ATP6V1B2: variants seen among roughly 807,000 people sequenced by gnomAD.
ATP6V1B2 encodes the protein ATPase H+ transporting V1 subunit B2, also known as V-type proton ATPase subunit B, brain isoform.
In ATP6V1B2, 23 loss-of-function variants were observed where a neutral mutation model predicts 66.7. The observed-to-expected ratio is 0.34, with a 90% CI of 0.25 to 0.49. ATP6V1B2 has a LOEUF of 0.49. Ranked by LOEUF, ATP6V1B2 falls within the 20% of genes least tolerant of loss-of-function variation. The pLI is 0.99. For synonymous variants in ATP6V1B2, 278 were observed against 236.7 expected (o/e 1.17, Z -1.60); for missense variants, 478 against 650.8 (o/e 0.73, Z 2.89).
chr8:20,203,559 T>G (rs1386760736), intron 1 of ATP6V1B2, among the ~76,000 whole-genome samples: 1 of 152,150 alleles, frequency 6.6e-6, no homozygotes, highest in African/African-American at 2.4e-5. Flanking sequence ...TGTTAATTAT[T>G]TTAGGCCTTA....
In ATP6V1B2 at chr8:20,217,238, G is replaced by T; in HGVS notation, c.1180G>T (p.Val394Leu). The change falls in exon 12 of 14, where the codon GTG (valine) becomes TTG (leucine). Residue 394 changes from valine (V) to leucine (L), a missense_variant. Val to Leu is a conservative substitution (Grantham distance 32). Transcript: ENST00000276390. ...HNRQIYPPIN[V>L]LPSLSRLMKS... ...ACCCAAGATTTATCCACCTATCAAT[G>T]TGCTGCCCTCACTATCACGGTTAAT... The T allele has an allele frequency of 6.2e-7, 1 of 1,612,902 alleles. No homozygotes were observed. Among genetic ancestry groups the T allele is most frequent in the Non-Finnish European group, 8.5e-7 (1 of 1,179,116 alleles).
At chr8:20,206,086 C>A (rs1393889283) in intron 2 of ATP6V1B2, among the ~76,000 whole-genome samples, 1 of 152,198 alleles carries the variant, frequency 6.6e-6, no homozygotes, top group East Asian at 1.9e-4. Context: ...TGAGTATCTA[C>A]CACAACCTGC....
At chr8:20,214,773 G>T (rs2072834443) in intron 9 of ATP6V1B2, 45 bp from the exon 10 acceptor site, 2 of 1,539,780 alleles carry the variant, frequency 1.3e-6, no homozygotes, top group Admixed American at 4.0e-5. Flanking sequence ...AAGCAAGCTT[G>T]TTGTAATATC....
intron 2 of ATP6V1B2, among the ~76,000 whole-genome samples, chr8:20,207,108 T>C (rs1376807845): frequency 6.6e-6 from 1 of 152,114 alleles, no homozygotes; most frequent in East Asian, 1.9e-4. Context: ...TAAAACATTG[T>C]GAAAGACCAT....
chr8:20,217,361 T>C (rs1407264986), intron 12 of ATP6V1B2, 37 bp downstream of exon 12: 15 of 1,538,046 alleles, frequency 9.8e-6, no homozygotes, highest in Non-Finnish European at 1.3e-5. Flanking sequence ...TTTGAAAATA[T>C]GGATACGTTT....
chr8:20,205,167 AT>A (rs1389291439), intron 2 of ATP6V1B2, among the ~76,000 whole-genome samples: 1 of 152,202 alleles, frequency 6.6e-6, no homozygotes, highest in African/African-American at 2.4e-5. Context: ...TGGGGAAAAT[AT>A]TAGGAAGCTT....
intron 13 of ATP6V1B2, among the ~76,000 whole-genome samples, chr8:20,218,523 G>A (rs1037517474): frequency 4.0e-5 from 6 of 151,774 alleles, no homozygotes; most frequent in South Asian, 2.1e-4. Flanking sequence ...TTCTTCCATC[G>A]CCCTTCTGAA....
chr8:20,199,959 A>G (rs1161967096), intron 1 of ATP6V1B2, among the ~76,000 whole-genome samples: 1 of 150,816 alleles, frequency 6.6e-6, no homozygotes, highest in Admixed American at 6.6e-5. Context: ...GAATTGATTG[A>G]TGTTATCATT....
chr8:20,210,834 A>G (rs1021500222), intron 5 of ATP6V1B2, among the ~76,000 whole-genome samples, 188 bp downstream of exon 5: 2 of 152,124 alleles, frequency 1.3e-5, no homozygotes, highest in Non-Finnish European at 2.9e-5. Context: ...TTATGTATTA[A>G]TATCTTAAGA....
At chr8:20,211,852 G>T in intron 7 of ATP6V1B2, 99 bp downstream of exon 7, 2 of 1,056,808 alleles carry the variant, frequency 1.9e-6, no homozygotes, top group Non-Finnish European at 2.7e-6. Context: ...TTTTCTTTAG[G>T]TAAAGAATTT....
intron 9 of ATP6V1B2, chr8:20,213,849 C>G (rs1032069772): frequency 6.6e-6 from 1 of 152,100 alleles, no homozygotes; most frequent in African/African-American, 2.4e-5. Context: ...TAGTCAAGGA[C>G]TAGTTTTTCT....
chr8:20,217,377 G>A lies in ATP6V1B2; in HGVS notation c.1266+53G>A, dbSNP rs115878396. 51 of 1,457,958 alleles carry A rather than the reference G, an allele frequency of 3.5e-5. No individual in the cohort carries two copies. In the African/African-American group the frequency reaches 6.4e-4, roughly 18 times the overall value. 90.3% of individuals were successfully genotyped at this position (1,457,958 alleles called of 1,614,324 possible). A position where few individuals can be genotyped will look rare whatever the true frequency, so the allele number is the denominator to read the frequency against. ...TTGAAAATATGGATACGTTTCTGCT[G>A]TCTTACACCTCTTGTCTTTCACCCT... On this transcript the variant is annotated intron_variant, in intron 12 of 13. Transcript: ENST00000276390.
chr8:20,204,114 T>C, intron 1 of ATP6V1B2: 1 of 424,670 alleles, frequency 2.4e-6, no homozygotes. Context: ...TCTGCTGTGC[T>C]CCCACAAACC....
At chr8:20,218,064 G>A (rs1353446579) in intron 12 of ATP6V1B2, 89 bp from the exon 13 acceptor site, 5 of 1,449,756 alleles carry the variant, frequency 3.4e-6, no homozygotes, top group African/African-American at 1.4e-5. Flanking sequence ...GCTCTTGTGA[G>A]GAGAACTAGA....
chr8:20,211,137 C>G (rs369992802), intron 5 of ATP6V1B2, 40 bp from the exon 6 acceptor site: 1 of 1,589,722 alleles, frequency 6.3e-7, no homozygotes, highest in East Asian at 2.3e-5. Context: ...ATGAATAATG[C>G]GGCAACTTGT....
At chr8:20,207,144 A>G (rs2072747058) in intron 2 of ATP6V1B2, among the ~76,000 whole-genome samples, 1 of 152,226 alleles carries the variant, frequency 6.6e-6, no homozygotes, top group South Asian at 2.1e-4. Context: ...ATAAGTGAAG[A>G]TTCCATGTTC....
chr8:20,220,040 T>TC (rs768792092), intron 13 of ATP6V1B2, among the ~76,000 whole-genome samples: 62 of 152,162 alleles, frequency 4.1e-4, no homozygotes, highest in Non-Finnish European at 6.3e-4. Context: ...GCAAGACTGC[T>TC]CCCTGTCTCA....
chr8:20,202,484 C>G (rs1013798729), intron 1 of ATP6V1B2, among the ~76,000 whole-genome samples: 1 of 152,174 alleles, frequency 6.6e-6, no homozygotes, highest in Non-Finnish European at 1.5e-5. Flanking sequence ...TACTTACTAA[C>G]TTTTTAAAAG....
In ATP6V1B2 at chr8:20,218,238, A is replaced by C; in HGVS notation, c.1352A>C (p.Tyr451Ser). ...GCCCTTACCTCAGATGATCTTCTCT[A>C]CTTGGAATTTCTGCAGAAGTTTGAG... Reference protein sequence around the residue: ...EEALTSDDLLYLEFLQKFERN... With the variant: ...EEALTSDDLLSLEFLQKFERN... Residue 451 changes from tyrosine (Y) to serine (S), a missense_variant, in exon 13 of 14, where the codon TAC (tyrosine) becomes TCC (serine). Coordinates refer to ENST00000276390, the MANE Select transcript of ATP6V1B2 (RefSeq NM_001693.4). The C allele has an allele frequency of 6.2e-7, 1 of 1,613,458 alleles. No homozygotes were observed. Among genetic ancestry groups the C allele is most frequent in the East Asian group, 2.2e-5 (1 of 44,862 alleles).
Sources: allele counts gnomAD v4.1 joint callset (sites outside exome capture counted in the v4.1 genomes callset), GRCh38; gene constraint gnomAD v4.1.1; transcripts MANE v1.5; gene names NCBI Gene and HGNC (gene_info 2026-07-23, HGNC 2026-07-21).